The following CAB39 variants were observed in gnomAD, a reference collection of about 807,000 sequenced individuals.
CAB39 encodes calcium binding protein 39.
Under a neutral mutation model 40.0 loss-of-function variants are expected in CAB39, and 8 were observed. The observed-to-expected ratio is 0.20, with a 90% CI of 0.12 to 0.36. The LOEUF (loss-of-function observed/expected upper bound fraction) is 0.36, where lower values mean the gene tolerates loss of function less well. Ranked by LOEUF, CAB39 falls within the 10% of genes least tolerant of loss-of-function variation. CAB39 has a pLI of 1.00. For missense variants in CAB39, 270 were observed against 401.1 expected (o/e 0.67, Z 2.79); for synonymous variants, 156 against 141.6 (o/e 1.10, Z -0.72).
rs181368114 is a variant in CAB39 at position 230,807,710 on chromosome 2, C to T, written c.568-2553C>T. Among the ~76,000 whole-genome samples, 455 of 152,288 alleles carry T rather than the reference C, an allele frequency of 3.0e-3. 4 individuals carry two copies. Among genetic ancestry groups the T allele is most frequent in the African/African-American group, 9.1e-3 (379 of 41,564 alleles). ...AGAGTGAATACTCGCTTCTCTCAAA[C>T]CTTCAGTAAAAATCTGTTGTGCAAC... On this transcript the variant is annotated intron_variant, in intron 5 of 8. Transcript: ENST00000258418.
intron 1 of CAB39, among the ~76,000 whole-genome samples, chr2:230,716,918 G>C (rs980817578): frequency 6.6e-6 from 1 of 152,198 alleles, no homozygotes; most frequent in Non-Finnish European, 1.5e-5. Flanking sequence ...AGGAGGGATT[G>C]CCTGAGCCCA....
rs200652546 is a variant in CAB39, at chr2:230,790,898, G to A, written c.141G>A (p.Leu47=). 1.2e-6 allele frequency: 2 copies of A among 1,605,106 alleles called. No individual in the cohort carries two copies. Among genetic ancestry groups the A allele is most frequent in the Non-Finnish European group, 1.7e-6 (2 of 1,177,704 alleles). Residue 47 remains leucine (L), a synonymous_variant, in exon 3 of 9, where the codon CTG becomes CTA. Transcript: ENST00000258418. ...CTACAGAAGAAGTTTCCAAAAATCTGGTTGCCATGAAAGAAATTCTGTATG... is the reference window on the plus strand; with the variant it reads ...CTACAGAAGAAGTTTCCAAAAATCTAGTTGCCATGAAAGAAATTCTGTATG... ...EKATEEVSKN[L]VAMKEILYGT... is the part of the protein sequence containing the mutation.
At chr2:230,754,043 G>C (rs978891124) in intron 1 of CAB39, among the ~76,000 whole-genome samples, 1 of 152,194 alleles carries the variant, frequency 6.6e-6, no homozygotes, top group African/African-American at 2.4e-5. Flanking sequence ...TTGGGGAGCA[G>C]AAAGGACATC....
At chr2:230,739,163 G>T (rs1163711631) in intron 1 of CAB39, among the ~76,000 whole-genome samples, 1 of 152,152 alleles carries the variant, frequency 6.6e-6, no homozygotes, top group Non-Finnish European at 1.5e-5. Flanking sequence ...TGATCATATG[G>T]ACTATGTTTA....
At chr2:230,780,907 C>T (rs111995952) in intron 2 of CAB39, among the ~76,000 whole-genome samples, 1,886 of 152,130 alleles carry the variant, frequency 0.012, 40 homozygotes, top group African/African-American at 0.044. Flanking sequence ...CATAATGAGA[C>T]CCCATTGCTA....
At position 230,790,318 on chromosome 2, in the gene CAB39, T is replaced by A. The variant is rs546332019; in HGVS notation, c.115-554T>A. On this transcript the variant is annotated intron_variant, in intron 2 of 8. Coordinates refer to ENST00000258418, the MANE Select transcript of CAB39 (RefSeq NM_016289.4). ...TCATGGGGAAAGGTAAATCTGGCCC[T>A]TCTCTATCTTGAGCAGAAGTAGAAG... is the stretch of plus-strand genomic sequence containing the variant. Among the ~76,000 whole-genome samples the A allele has an allele frequency of 2.6e-5, 4 of 152,286 alleles. No individual in the cohort carries two copies. In the South Asian group the frequency reaches 8.3e-4, roughly 32 times the overall value.
chr2:230,755,217 T>G (rs966554872), intron 1 of CAB39, among the ~76,000 whole-genome samples: 2 of 152,220 alleles, frequency 1.3e-5, no homozygotes, highest in African/African-American at 4.8e-5. Context: ...ATCACCACAT[T>G]GTTTTCCATA....
At chr2:230,752,156 G>A (rs1486280641) in intron 1 of CAB39, 1 of 148,656 alleles carries the variant, frequency 6.7e-6, no homozygotes, top group Non-Finnish European at 1.5e-5. Context: ...CGCTTTGGCA[G>A]CACATACCCT....
chr2:230,803,294 A>G (rs1696126521), intron 5 of CAB39, among the ~76,000 whole-genome samples: 2 of 152,214 alleles, frequency 1.3e-5, no homozygotes, highest in Admixed American at 6.5e-5. Flanking sequence ...CCCACAGCCA[A>G]TATCATACTG....
intron 1 of CAB39, among the ~76,000 whole-genome samples, chr2:230,737,073 C>G (rs2124883890): frequency 6.6e-6 from 1 of 152,218 alleles, no homozygotes; most frequent in East Asian, 1.9e-4. Context: ...GACTTGGAGT[C>G]CAGGTTAGTG....
intron 1 of CAB39, among the ~76,000 whole-genome samples, chr2:230,741,931 A>G (rs896448257): frequency 2.0e-5 from 3 of 152,216 alleles, no homozygotes; most frequent in African/African-American, 4.8e-5. Flanking sequence ...AAGCAGTGCT[A>G]TAATGAAAGC....
intron 1 of CAB39, among the ~76,000 whole-genome samples, chr2:230,738,020 A>G (rs1694816572): frequency 6.6e-6 from 1 of 152,194 alleles, no homozygotes; most frequent in South Asian, 2.1e-4. Context: ...CGAAATTACA[A>G]AGTCATTTTT....
intron 1 of CAB39, among the ~76,000 whole-genome samples, chr2:230,732,318 G>A (rs757511921): frequency 1.3e-5 from 2 of 152,074 alleles, no homozygotes; most frequent in African/African-American, 2.4e-5. Flanking sequence ...TCCTGACCTC[G>A]TGATCCACCC....
chr2:230,806,250 A>T (rs993461096), intron 5 of CAB39, among the ~76,000 whole-genome samples: 2 of 152,180 alleles, frequency 1.3e-5, no homozygotes, highest in African/African-American at 4.8e-5. Context: ...TTGAAATCAG[A>T]CAATAAATGG....
intron 2 of CAB39, among the ~76,000 whole-genome samples, chr2:230,789,515 C>G (rs547335739): frequency 1.3e-5 from 2 of 152,290 alleles, no homozygotes; most frequent in South Asian, 4.1e-4. Flanking sequence ...AGGCAAAACC[C>G]CCTGAGTACT....
chr2:230,750,314 A>T (rs1237226949), intron 1 of CAB39, among the ~76,000 whole-genome samples: 1 of 152,190 alleles, frequency 6.6e-6, no homozygotes, highest in Non-Finnish European at 1.5e-5. Context: ...GTTAATGCCA[A>T]AGCAGGCTTT....
chr2:230,746,523 A>G (rs762064308), intron 1 of CAB39, among the ~76,000 whole-genome samples: 1 of 152,234 alleles, frequency 6.6e-6, no homozygotes, highest in Non-Finnish European at 1.5e-5. Context: ...ACGTGAAGCC[A>G]TCACACTTTA....
At chr2:230,717,594 A>G (rs993556486) in intron 1 of CAB39, among the ~76,000 whole-genome samples, 1 of 152,244 alleles carries the variant, frequency 6.6e-6, no homozygotes. Context: ...CAGTCTGTGA[A>G]TAAAATGATC....
chr2:230,804,868 A>G (rs566930354), intron 5 of CAB39, among the ~76,000 whole-genome samples: 25 of 152,252 alleles, frequency 1.6e-4, no homozygotes, highest in African/African-American at 5.3e-4. Flanking sequence ...AAATAGAAAT[A>G]CCATTTGACC....
Sources: gnomAD v4.1 joint callset for allele counts (sites outside exome capture counted in the v4.1 genomes callset) on GRCh38, gnomAD v4.1.1 for gene constraint, MANE v1.5 for transcripts, NCBI Gene and HGNC (gene_info 2026-07-23, HGNC 2026-07-21) for gene names.